The following COL22A1 variants were observed in gnomAD, a reference collection of about 807,000 sequenced individuals.
COL22A1 encodes the protein collagen alpha-1(XXII) chain.
Under a neutral mutation model 248.9 loss-of-function variants are expected in COL22A1, and 221 were observed. That is an observed-to-expected ratio of 0.89 (90% confidence interval 0.80 to 0.99). The LOEUF (loss-of-function observed/expected upper bound fraction) is 0.99. Among genes scored for constraint, COL22A1 ranks in the 50% least tolerant of loss-of-function variants. COL22A1 has a pLI of 0.00. For missense variants in COL22A1, 2,240 were observed against 2,179.0 expected (o/e 1.03, Z -0.56); for synonymous variants, 891 against 793.4 (o/e 1.12, Z -2.07).
chr8:138,715,592 AG>A, intron 30 of COL22A1, 89 bp downstream of exon 30: 41 of 733,824 alleles, frequency 5.6e-5, no homozygotes, highest in South Asian at 1.3e-4. Context: ...AAAAAAAAAA[AG>A]ATAGAGTATA....
intron 2 of COL22A1, among the ~76,000 whole-genome samples, chr8:138,879,788 G>A (rs77916734): frequency 0.046 from 6,962 of 151,178 alleles, 582 homozygotes; most frequent in African/African-American, 0.16. Context: ...CATCCAAACA[G>A]AAGCAGAGGA....
At chr8:138,645,357 T>C (rs1241689605) in intron 47 of COL22A1, among the ~76,000 whole-genome samples, 1 of 152,144 alleles carries the variant, frequency 6.6e-6, no homozygotes, top group Admixed American at 6.5e-5. Context: ...TGCTATCTCA[T>C]CCCTGCGAGC....
chr8:138,595,696 G>T (rs747628789), intron 62 of COL22A1, among the ~76,000 whole-genome samples: 1 of 151,990 alleles, frequency 6.6e-6, no homozygotes, highest in Non-Finnish European at 1.5e-5. Context: ...GACACTCCAA[G>T]AGGACAGGAA....
chr8:138,688,217 C>T (rs1826520668), intron 37 of COL22A1, among the ~76,000 whole-genome samples: 1 of 149,500 alleles, frequency 6.7e-6, no homozygotes, highest in East Asian at 2.0e-4. Context: ...ATGTGTCTCT[C>T]TTATTAATAA....
At chr8:138,740,855 C>T (rs559223584) in intron 22 of COL22A1, among the ~76,000 whole-genome samples, 1 of 152,242 alleles carries the variant, frequency 6.6e-6, no homozygotes, top group East Asian at 1.9e-4. Flanking sequence ...CCTTCCGCAC[C>T]CCCAGCATCA....
chr8:138,764,576 T>G (rs933568454), intron 16 of COL22A1, among the ~76,000 whole-genome samples: 1 of 152,270 alleles, frequency 6.6e-6, no homozygotes, highest in African/African-American at 2.4e-5. Context: ...TACATAAACT[T>G]AATCCTACAT....
intron 61 of COL22A1, among the ~76,000 whole-genome samples, chr8:138,598,334 T>C (rs1817714844): frequency 6.6e-6 from 1 of 152,132 alleles, no homozygotes; most frequent in Non-Finnish European, 1.5e-5. Context: ...ACAGTGAAGT[T>C]CAGACCCCTG....
At position 138,604,721 on chromosome 8, in the gene COL22A1, G is replaced by A. The variant is rs117108521; in HGVS notation, c.4140+13C>T. 0.012 allele frequency: 20,123 copies of A among 1,611,724 alleles called. 150 individuals are homozygous for A. Among genetic ancestry groups the A allele is most frequent in the Non-Finnish European group, 0.014 (16,574 of 1,178,462 alleles). On this transcript the variant is annotated intron_variant, in intron 59 of 64. Transcript: ENST00000303045. ...AAGGGTTGCCAAGGGGTGAGTGGGC[G>A]TGTGATACTTGCCTCCTTGCCTGGG... is the stretch of plus-strand genomic sequence containing the variant.
Position 138,844,173 on chromosome 8 carries a change from A to G in COL22A1, c.659-15T>C, listed in dbSNP as rs1821073704. ...ACAGAGCACATCTGAGGAAAGCAAG[A>G]GGAAACAGAGACTGATGAGAAAATG... On this transcript the variant is annotated splice_polypyrimidine_tract_variant and intron_variant, in intron 3 of 64. Transcript: ENST00000303045. 9.3e-6 allele frequency: 15 copies of G among 1,613,132 alleles called. No homozygotes were observed. The highest frequency in any genetic ancestry group is 1.2e-5 in the Non-Finnish European group (14 of 1,179,046).
chr8:138,623,562 C>A (rs1276799103), intron 52 of COL22A1, among the ~76,000 whole-genome samples, 170 bp downstream of exon 52: 3 of 152,094 alleles, frequency 2.0e-5, no homozygotes, highest in Non-Finnish European at 4.4e-5. Flanking sequence ...GTTTCTTCTG[C>A]TTTAAAATGG....
At chr8:138,720,588 A>G in intron 27 of COL22A1, 151 bp downstream of exon 27, 1 of 702,028 alleles carries the variant, frequency 1.4e-6, no homozygotes, top group East Asian at 2.6e-5. Flanking sequence ...TGGAGCCCTT[A>G]ACCCTGCCCC....
intron 2 of COL22A1, among the ~76,000 whole-genome samples, chr8:138,879,008 A>AACAAC (rs1823972490): frequency 6.6e-6 from 1 of 151,264 alleles, no homozygotes; most frequent in African/African-American, 2.4e-5. Context: ...ACTCTGTCTC[A>AACAAC]AAAACAAAAC....
chr8:138,712,494 T>C (rs1242528421), intron 30 of COL22A1, among the ~76,000 whole-genome samples: 1 of 152,150 alleles, frequency 6.6e-6, no homozygotes, highest in Non-Finnish European at 1.5e-5. Flanking sequence ...TCTATCAGCA[T>C]CTATCAGCAG....
intron 18 of COL22A1, among the ~76,000 whole-genome samples, chr8:138,758,692 G>T (rs537321397): frequency 4.9e-4 from 75 of 152,322 alleles, no homozygotes; most frequent in African/African-American, 1.7e-3. Context: ...TCAAGGATGT[G>T]ATCTCAGAAT....
intron 37 of COL22A1, among the ~76,000 whole-genome samples, chr8:138,686,506 A>G (rs1826365389): frequency 6.6e-6 from 1 of 152,244 alleles, no homozygotes; most frequent in Non-Finnish European, 1.5e-5. Flanking sequence ...GCCTCTCTCC[A>G]AGCCTGGAGC....
At chr8:138,885,097 C>T (rs1017022857) in intron 1 of COL22A1, among the ~76,000 whole-genome samples, 3 of 152,196 alleles carry the variant, frequency 2.0e-5, no homozygotes, top group Admixed American at 6.5e-5. Context: ...CAGGCTTCAT[C>T]TGCTGCGGGA....
At chr8:138,620,996 CCCATCCAT>C (rs34832535) in intron 52 of COL22A1, among the ~76,000 whole-genome samples, 2 of 31,442 alleles carry the variant, frequency 6.4e-5, no homozygotes, top group African/African-American at 1.6e-4. Context: ...CATCCATCCA[CCCATCCAT>C]CCATCCATCC....
intron 12 of COL22A1, among the ~76,000 whole-genome samples, chr8:138,791,492 G>A (rs769377856): frequency 6.6e-6 from 1 of 152,146 alleles, no homozygotes; most frequent in Non-Finnish European, 1.5e-5. Flanking sequence ...TTTCAAACGG[G>A]ACAGTGTATG....
At chr8:138,810,894 T>G (rs1818155025) in intron 9 of COL22A1, among the ~76,000 whole-genome samples, 1 of 151,956 alleles carries the variant, frequency 6.6e-6, no homozygotes, top group Non-Finnish European at 1.5e-5. Context: ...CCCAGCAGAG[T>G]CACCAAGCAC....
Sources: allele counts gnomAD v4.1 joint callset (sites outside exome capture counted in the v4.1 genomes callset), GRCh38; gene constraint gnomAD v4.1.1; transcripts MANE v1.5; gene names NCBI Gene and HGNC (gene_info 2026-07-23, HGNC 2026-07-21).